Variants in SP1 observed in about 807,000 individuals in gnomAD.
The protein encoded by SP1 is Sp1 transcription factor, also known as transcription factor Sp1.
A neutral mutation model predicts 66.3 loss-of-function variants in SP1; 6 were observed. That is an observed-to-expected ratio of 0.09 (90% CI 0.05 to 0.18). SP1 has a LOEUF of 0.18. Ranked by LOEUF, SP1 falls within the 10% of genes least tolerant of loss-of-function variation. The pLI is 1.00. For synonymous variants in SP1, 417 were observed against 360.8 expected, an observed-to-expected ratio of 1.16 and a Z score of -1.77; for missense variants, 848 against 964.5, an observed-to-expected ratio of 0.88 and a Z score of 1.60.
rs1251839178 is a variant in SP1 at position 53,385,187 on chromosome 12, C to T, written c.1675+1565C>T. On this transcript the variant is annotated intron_variant, in intron 3 of 5. Transcript: ENST00000327443. ...ATGCGCGCCTGTAGTCCCAGCTACT[C>T]AGGAGGCTGAGGCCAAGAATTGCTT... Among the ~76,000 whole-genome samples, 5 of 150,642 alleles carry T rather than the reference C, an allele frequency of 3.3e-5. No individual in the cohort carries two copies. The Admixed American group carries it at 3.3e-4, about 10-fold the overall frequency.
At position 53,383,182 on chromosome 12, in the gene SP1, T is replaced by C. The variant is rs1169454626; in HGVS notation, c.1235T>C (p.Leu412Pro). 2 of 1,613,796 alleles carry C rather than the reference T, an allele frequency of 1.2e-6. No homozygotes were observed. The highest frequency in any genetic ancestry group is 3.3e-5 in the Admixed American group (2 of 59,992). ...QPQLVQGGQA[L>P]QALQAAPLSG... ...CAGCTAGTTCAAGGGGGACAGGCCCTCCAGGCCCTCCAAGCAGCACCATTG... is the reference window on the plus strand; with the variant it reads ...CAGCTAGTTCAAGGGGGACAGGCCCCCCAGGCCCTCCAAGCAGCACCATTG... Residue 412 changes from leucine (L) to proline (P), a missense_variant, in exon 3 of 6, where the codon CTC (leucine) becomes CCC (proline). Physicochemically the swap from Leu to Pro is moderately conservative, Grantham distance 98. Around this residue, in one of 7 missense-constraint regions of SP1, gnomAD observed 606 missense variants for 589.9 expected, o/e 1.03. Coordinates refer to ENST00000327443, the MANE Select transcript of SP1 (RefSeq NM_138473.3).
intron 3 of SP1, among the ~76,000 whole-genome samples, chr12:53,397,800 C>T (rs1024866487): frequency 6.6e-6 from 1 of 151,718 alleles, no homozygotes; most frequent in East Asian, 1.9e-4. Context: ...ATGATCCTCC[C>T]GCCTTGGCCT....
At position 53,411,350 on chromosome 12, in the gene SP1, C is replaced by A; in HGVS notation, c.*110C>A. The A allele has an allele frequency of 1.1e-6, 1 of 872,484 alleles. No homozygotes were observed. The highest frequency in any genetic ancestry group is 1.7e-6 in the Non-Finnish European group (1 of 572,188). 54.0% of individuals were successfully genotyped at this position (872,484 alleles called of 1,614,324 possible). On this transcript the variant is annotated 3_prime_UTR_variant, in exon 6 of 6. Coordinates refer to ENST00000327443, the MANE Select transcript of SP1 (RefSeq NM_138473.3). ...GAGAGAGCCATGAAGCATTAAAATGCATGGTGTTGAGAAGAATCAGGAGAG... is the reference window on the plus strand; with the variant it reads ...GAGAGAGCCATGAAGCATTAAAATGAATGGTGTTGAGAAGAATCAGGAGAG...
intron 3 of SP1, among the ~76,000 whole-genome samples, chr12:53,401,507 C>G: frequency 6.8e-6 from 1 of 147,348 alleles, no homozygotes; most frequent in East Asian, 2.0e-4. Context: ...ATTTCATGCA[C>G]ACAACGAGCA....
intron 3 of SP1, among the ~76,000 whole-genome samples, chr12:53,403,800 G>A (rs771881485): frequency 1.3e-5 from 2 of 152,068 alleles, no homozygotes; most frequent in East Asian, 3.9e-4. Context: ...GAACATTTTG[G>A]GGGGCTGAGG....
At chr12:53,406,252 A>G (rs1220613797) in intron 3 of SP1, among the ~76,000 whole-genome samples, 1 of 151,798 alleles carries the variant, frequency 6.6e-6, no homozygotes, top group African/African-American at 2.4e-5. Context: ...TATTTTTAGT[A>G]GAGACGGGAT....
Position 53,406,587 on chromosome 12 carries a change from G to A in SP1, c.1678G>A (p.Asp560Asn), listed in dbSNP as rs1020933271. 1.2e-6 allele frequency: 2 copies of A among 1,613,502 alleles called. No individual in the cohort carries two copies. The highest frequency in any genetic ancestry group is 1.7e-5 in the Admixed American group (1 of 59,926). The change falls in exon 4 of 6, where the codon GAT becomes AAT. Residue 560 changes from aspartate to asparagine, a missense_variant and splice_region_variant. By Grantham distance (23) the Asp-to-Asn change is conservative. Around this residue, in one of 7 missense-constraint regions of SP1, gnomAD observed 606 missense variants for 589.9 expected, o/e 1.03. Transcript: ENST00000327443. ...LPLAIANAPG[D>N]HGAQLGLHGA... ...ACCCTTTTCTCTCTTAATTTCAGGTGATCATGGAGCTCAGCTTGGTCTCCA... is the reference window on the plus strand; with the variant it reads ...ACCCTTTTCTCTCTTAATTTCAGGTAATCATGGAGCTCAGCTTGGTCTCCA...
At position 53,413,390 on chromosome 12, in the gene SP1, T is replaced by C. The variant is rs1938935384; in HGVS notation, c.*2150T>C. 6.6e-6 allele frequency: 1 copy of C among 152,452 alleles called. No homozygotes were observed. The highest frequency in any genetic ancestry group is 1.5e-5 in the Non-Finnish European group (1 of 68,028). The allele number at this position is 152,452 out of a possible 1,614,324, so 9.4% of individuals were successfully genotyped here. A position where few individuals can be genotyped will look rare whatever the true frequency, so the allele number is the denominator to read the frequency against. On this transcript the variant is annotated 3_prime_UTR_variant, in exon 6 of 6. Transcript: ENST00000327443. ...CTTTGGCTACAAATAGATGATGGTATGATTCTATTATATATTTTATATAAA... is the reference window on the plus strand; with the variant it reads ...CTTTGGCTACAAATAGATGATGGTACGATTCTATTATATATTTTATATAAA...
chr12:53,397,584 T>C (rs1426091645), intron 3 of SP1, among the ~76,000 whole-genome samples: 1 of 101,668 alleles, frequency 9.8e-6, no homozygotes, highest in Non-Finnish European at 2.1e-5. Flanking sequence ...TTTTCCTTTT[T>C]TTTTCTTTTT....
intron 3 of SP1, among the ~76,000 whole-genome samples, chr12:53,386,851 T>G (rs1279948525): frequency 6.6e-6 from 1 of 151,886 alleles, no homozygotes; most frequent in African/African-American, 2.4e-5. Flanking sequence ...AATAAAAGGA[T>G]ACACATACAT....
In SP1 at chr12:53,396,205, C is replaced by T. The variant is rs142584708; in HGVS notation, c.1676-10380C>T. On this transcript the variant is annotated intron_variant, in intron 3 of 5. Transcript: ENST00000327443. ...CTGAGGCAGGAGAATGGCGTGAACCCGGGAGGCAGAGCTTACAGTGAGCTA... is the reference window on the plus strand; with the variant it reads ...CTGAGGCAGGAGAATGGCGTGAACCTGGGAGGCAGAGCTTACAGTGAGCTA... Among the ~76,000 whole-genome samples, 885 of 149,650 alleles carry T rather than the reference C, an allele frequency of 5.9e-3. 9 individuals are homozygous for T. Among genetic ancestry groups the T allele is most frequent in the African/African-American group, 0.021 (847 of 40,692 alleles).
chr12:53,393,757 C>T (rs1938408326), intron 3 of SP1, among the ~76,000 whole-genome samples: 1 of 151,648 alleles, frequency 6.6e-6, no homozygotes, highest in African/African-American at 2.4e-5. Context: ...GCCACCATGC[C>T]CAGCTAATTT....
At chr12:53,399,409 C>G (rs928308461) in intron 3 of SP1, among the ~76,000 whole-genome samples, 1 of 150,662 alleles carries the variant, frequency 6.6e-6, no homozygotes, top group Non-Finnish European at 1.5e-5. Context: ...TCTCAGCTCA[C>G]TGCAAGCTCC....
Position 53,383,090 on chromosome 12 carries a change from A to G in SP1, c.1143A>G (p.Gln381=). 6.2e-7 allele frequency: 1 copy of G among 1,614,208 alleles called. No individual in the cohort carries two copies. Among genetic ancestry groups the G allele is most frequent in the Non-Finnish European group, 8.5e-7 (1 of 1,180,054 alleles). ...QQNQTSGGSL[Q]AGQQKEGEQN... ...ACCAGACATCTGGAGGCTCATTGCA[A>G]GCAGGCCAGCAAAAAGAAGGAGAGC... The change falls in exon 3 of 6, where the codon CAA becomes CAG. Residue 381 remains glutamine, a synonymous_variant. Coordinates refer to ENST00000327443, the MANE Select transcript of SP1 (RefSeq NM_138473.3).
chr12:53,381,018 CTCGGCTCACT>C (rs2136885273), intron 1 of SP1, among the ~76,000 whole-genome samples: 1 of 123,342 alleles, frequency 8.1e-6, no homozygotes, highest in South Asian at 2.7e-4. Context: ...ATGGTGCGAT[CTCGGCTCACT>C]GCAACCTCTG....
intron 4 of SP1, among the ~76,000 whole-genome samples, chr12:53,408,443 A>C (rs964764649): frequency 2.7e-5 from 4 of 150,246 alleles, no homozygotes; most frequent in Non-Finnish European, 5.9e-5. Flanking sequence ...TGTTGATAAG[A>C]CTGGTCTTGA....
Position 53,402,968 on chromosome 12 carries a change from CAG to C in SP1, c.1676-3615_1676-3614del, listed in dbSNP as rs796904844. ...AGCCTGGGCGACAGAGATTCCATCTCAGAAAAAAAAAAAAAATGCAGAAATTA... is the reference window on the plus strand; with the variant it reads ...AGCCTGGGCGACAGAGATTCCATCTCAAAAAAAAAAAAAATGCAGAAATTA... On this transcript the variant is annotated intron_variant, in intron 3 of 5. Transcript: ENST00000327443. Among the ~76,000 whole-genome samples the C allele has an allele frequency of 8.5e-5, 11 of 128,962 alleles. 2 individuals are homozygous for C. The highest frequency in any genetic ancestry group is 9.0e-5 in the African/African-American group (3 of 33,316). The allele number at this position is 128,962 out of a possible 152,430, so 84.6% of individuals were successfully genotyped here.
chr12:53,415,555 C>T lies in SP1; in HGVS notation c.*4315C>T, dbSNP rs1324915473. The T allele has an allele frequency of 6.6e-6, 1 of 152,226 alleles. No individual in the cohort carries two copies. The highest frequency in any genetic ancestry group is 2.4e-5 in the African/African-American group (1 of 41,248). The allele number at this position is 152,226 out of a possible 1,614,324, so 9.4% of individuals were successfully genotyped here. ...TTCCCCTTCCTCATTATCAAACAGC[C>T]CCAGTCTTCCTTGTCTCTGCTAAGA... On this transcript the variant is annotated 3_prime_UTR_variant, in exon 6 of 6. Transcript: ENST00000327443.
chr12:53,397,524 G>C (rs910927573), intron 3 of SP1, among the ~76,000 whole-genome samples: 2 of 148,678 alleles, frequency 1.3e-5, no homozygotes, highest in African/African-American at 5.0e-5. Flanking sequence ...GAATGCAGTG[G>C]TGCAATCTTG....
Sources: allele counts gnomAD v4.1 joint callset (sites outside exome capture counted in the v4.1 genomes callset), GRCh38; gene constraint gnomAD v4.1.1; regional missense constraint gnomAD v4.1.1; transcripts MANE v1.5; gene names NCBI Gene and HGNC (gene_info 2026-07-23, HGNC 2026-07-21).